PDZRN4: variants seen among roughly 807,000 people sequenced by gnomAD.
The protein encoded by PDZRN4 is PDZ domain-containing RING finger protein 4.
Under a neutral mutation model 99.0 loss-of-function variants are expected in PDZRN4, and 70 were observed. The ratio of observed to expected loss-of-function variants is 0.71; its 90% CI spans 0.58 to 0.86. The LOEUF (loss-of-function observed/expected upper bound fraction) is 0.86. PDZRN4 is among the 40% of genes least tolerant of loss of function. PDZRN4 has a pLI of 0.00. For synonymous variants in PDZRN4, 551 were observed against 501.6 expected (o/e 1.10, Z -1.32); for missense variants, 1,474 against 1,331.2 (o/e 1.11, Z -1.67).
chr12:41,559,205 ACG>A (rs1292211940), intron 7 of PDZRN4, among the ~76,000 whole-genome samples: 2 of 143,424 alleles, frequency 1.4e-5, no homozygotes, highest in Non-Finnish European at 3.1e-5. Context: ...ACACACACAC[ACG>A]TGCTGTCACA....
rs527567487 is a variant in PDZRN4 at position 41,251,817 on chromosome 12, C to G, written c.843+57629C>G. Among the ~76,000 whole-genome samples the G allele has an allele frequency of 2.0e-5, 3 of 152,146 alleles. No homozygotes were observed. In the South Asian group the frequency reaches 6.2e-4, roughly 32 times the overall value. ...TACACAACAAACCAATTTATAAAAA[C>G]GTTATATTTAAAATAAGGCGAGGCA... On this transcript the variant is annotated intron_variant, in intron 3 of 9. Coordinates refer to ENST00000402685, the MANE Select transcript of PDZRN4 (RefSeq NM_001164595.2).
chr12:41,496,707 T>C (rs149403141), intron 3 of PDZRN4, among the ~76,000 whole-genome samples: 2 of 152,284 alleles, frequency 1.3e-5, no homozygotes, highest in East Asian at 3.9e-4. Context: ...GCAGTCTGCA[T>C]TGTGAACACA....
intron 3 of PDZRN4, among the ~76,000 whole-genome samples, chr12:41,404,825 CA>C (rs1952332587): frequency 6.7e-6 from 1 of 149,918 alleles, no homozygotes; most frequent in Non-Finnish European, 1.5e-5. Flanking sequence ...GAAATGAAGT[CA>C]TACGCTTACA....
chr12:41,467,243 TAGAAAAAAATTGGCCC>T (rs1857049363), intron 3 of PDZRN4, among the ~76,000 whole-genome samples: 1 of 152,048 alleles, frequency 6.6e-6, no homozygotes, highest in Admixed American at 6.5e-5. Flanking sequence ...GGTAATAGCA[TAGAAAAAAATTGGCCC>T]AGAAAAAAAT....
chr12:41,544,975 CTG>C (rs1938920899), intron 5 of PDZRN4, among the ~76,000 whole-genome samples: 1 of 152,168 alleles, frequency 6.6e-6, no homozygotes. Context: ...ATAATGATAA[CTG>C]TGTTTAAGAA....
intron 3 of PDZRN4, among the ~76,000 whole-genome samples, chr12:41,299,085 G>A (rs1170196189): frequency 6.6e-6 from 1 of 152,050 alleles, no homozygotes; most frequent in Non-Finnish European, 1.5e-5. Context: ...TTCAGTTAGA[G>A]CAATAAGCAG....
At chr12:41,252,606 G>A (rs1654954455) in intron 3 of PDZRN4, among the ~76,000 whole-genome samples, 1 of 152,060 alleles carries the variant, frequency 6.6e-6, no homozygotes, top group Non-Finnish European at 1.5e-5. Flanking sequence ...TTGATATGAT[G>A]GCACACACCT....
At chr12:41,326,668 T>G (rs1300433445) in intron 3 of PDZRN4, among the ~76,000 whole-genome samples, 1 of 152,116 alleles carries the variant, frequency 6.6e-6, no homozygotes, top group East Asian at 1.9e-4. Flanking sequence ...ATAATTCTGG[T>G]GCAGGCAGTT....
Position 41,188,597 on chromosome 12 carries a change from C to A in PDZRN4, c.142C>A (p.Arg48=), listed in dbSNP as rs1321352957. 3.9e-6 allele frequency: 6 copies of A among 1,540,234 alleles called. No individual in the cohort carries two copies. Among genetic ancestry groups the A allele is most frequent in the Admixed American group, 1.9e-5 (1 of 51,770 alleles). Reference sequence around the variant, plus strand: ...CAGCTGCCTGTTGCCCTGGGCGGTGCGGAGGCGCCGGTGCCCGCTGCAGTG... The same window carrying A: ...CAGCTGCCTGTTGCCCTGGGCGGTGAGGAGGCGCCGGTGCCCGCTGCAGTG... ...CASCLLPWAV[R]RRRCPLQCQP... Residue 48 remains arginine (R), a synonymous_variant, in exon 1 of 10, where the codon CGG becomes AGG. Transcript: ENST00000402685.
intron 3 of PDZRN4, among the ~76,000 whole-genome samples, chr12:41,201,532 C>G (rs150125446): frequency 2.0e-4 from 30 of 152,144 alleles, no homozygotes; most frequent in African/African-American, 7.0e-4. Context: ...CTCTTTTGCT[C>G]TCAGCATTGT....
At chr12:41,390,562 CAAAAA>C (rs766893966) in intron 3 of PDZRN4, among the ~76,000 whole-genome samples, 1 of 101,368 alleles carries the variant, frequency 9.9e-6, no homozygotes, top group African/African-American at 3.6e-5. Context: ...AACTCCTAAG[CAAAAA>C]AAAAAAAAAA....
chr12:41,459,973 A>C (rs1221104266), intron 3 of PDZRN4: 1 of 1,287,810 alleles, frequency 7.8e-7, no homozygotes, highest in African/African-American at 1.5e-5. Flanking sequence ...GAACAATGCT[A>C]TTCTGCATGA....
intron 3 of PDZRN4, among the ~76,000 whole-genome samples, chr12:41,368,782 A>G (rs1008424814): frequency 6.6e-6 from 1 of 152,110 alleles, no homozygotes; most frequent in African/African-American, 2.4e-5. Context: ...TCCTGTATAC[A>G]TTAGCTCATC....
intron 3 of PDZRN4, among the ~76,000 whole-genome samples, chr12:41,371,947 A>T (rs1952045396): frequency 6.6e-6 from 1 of 152,052 alleles, no homozygotes; most frequent in African/African-American, 2.4e-5. Context: ...TCCCTAGTTT[A>T]TTCCCTTTAT....
intron 3 of PDZRN4, among the ~76,000 whole-genome samples, chr12:41,372,675 A>C (rs1417013447): frequency 6.6e-6 from 1 of 152,166 alleles, no homozygotes; most frequent in African/African-American, 2.4e-5. Context: ...TAAAATGTTG[A>C]CTGAGGAGTT....
At chr12:41,483,467 G>A (rs972993651) in intron 3 of PDZRN4, among the ~76,000 whole-genome samples, 13 of 152,148 alleles carry the variant, frequency 8.5e-5, no homozygotes, top group Non-Finnish European at 1.5e-4. Flanking sequence ...AAAAGAGACA[G>A]TGACTGAGAT....
intron 3 of PDZRN4, among the ~76,000 whole-genome samples, chr12:41,328,767 AAAAC>A (rs1414053293): frequency 1.3e-5 from 2 of 152,140 alleles, no homozygotes; most frequent in Non-Finnish European, 2.9e-5. Context: ...TCTGTGACTC[AAAAC>A]AAACAAGTCT....
chr12:41,396,245 A>G lies in PDZRN4; in HGVS notation c.844-110211A>G, dbSNP rs11180885. Among the ~76,000 whole-genome samples the G allele has an allele frequency of 5.1e-4, 77 of 152,160 alleles. No individual in the cohort carries two copies. In the East Asian group the frequency reaches 0.011, roughly 21 times the overall value. On this transcript the variant is annotated intron_variant, in intron 3 of 9. Coordinates refer to ENST00000402685, the MANE Select transcript of PDZRN4 (RefSeq NM_001164595.2). ...AGGATTATTTTTCCTCTAGTTTCCA[A>G]TGATATTTACCTTACTTCCCTGAAA...
chr12:41,242,088 T>C (rs1951105164), intron 3 of PDZRN4, among the ~76,000 whole-genome samples: 1 of 152,216 alleles, frequency 6.6e-6, no homozygotes, highest in Admixed American at 6.5e-5. Flanking sequence ...AGAGTTCCTC[T>C]GACTCCTGCA....
Sources: allele counts gnomAD v4.1 joint callset (sites outside exome capture counted in the v4.1 genomes callset), GRCh38; gene constraint gnomAD v4.1.1; transcripts MANE v1.5; gene names NCBI Gene and HGNC (gene_info 2026-07-23, HGNC 2026-07-21).